Variants in ARHGAP21 observed in about 807,000 individuals in gnomAD.
The protein encoded by ARHGAP21 is Rho GTPase activating protein 21.
A neutral mutation model predicts 164.6 loss-of-function variants in ARHGAP21; 38 were observed. The observed-to-expected ratio is 0.23, with a 90% CI of 0.18 to 0.30. The LOEUF (loss-of-function observed/expected upper bound fraction) is 0.30. Among genes scored for constraint, ARHGAP21 ranks in the 10% least tolerant of loss-of-function variants. The pLI is 1.00. For synonymous variants in ARHGAP21, 766 were observed against 857.9 expected (o/e 0.89, Z 1.87); for missense variants, 1,822 against 2,370.7 (o/e 0.77, Z 4.81).
chr10:24,608,396 G>GTCTC (rs1013251389), intron 9 of ARHGAP21, among the ~76,000 whole-genome samples: 4 of 152,080 alleles, frequency 2.6e-5, no homozygotes, highest in African/African-American at 9.7e-5. Context: ...ACAAAGTCCA[G>GTCTC]TCTCTAGCTT....
At chr10:24,610,451 G>A (rs1184549723) in intron 9 of ARHGAP21, among the ~76,000 whole-genome samples, 1 of 150,894 alleles carries the variant, frequency 6.6e-6, no homozygotes, top group African/African-American at 2.4e-5. Context: ...GAACGGTGAA[G>A]GACACCTAAG....
intron 2 of ARHGAP21, among the ~76,000 whole-genome samples, chr10:24,696,403 C>T (rs1477392513): frequency 2.0e-5 from 3 of 152,130 alleles, no homozygotes. Flanking sequence ...AGGCACCAAC[C>T]CTCAAAACTC....
At chr10:24,719,671 G>C (rs1339501261) in intron 2 of ARHGAP21, among the ~76,000 whole-genome samples, 3 of 152,154 alleles carry the variant, frequency 2.0e-5, no homozygotes, top group Admixed American at 2.0e-4. Flanking sequence ...TACCACTGTG[G>C]AATGTAGTGC....
chr10:24,699,238 A>C (rs1195146148), intron 2 of ARHGAP21, among the ~76,000 whole-genome samples: 3 of 152,124 alleles, frequency 2.0e-5, no homozygotes, highest in African/African-American at 7.2e-5. Context: ...TGGGAGGGAA[A>C]TATATAATTT....
At chr10:24,597,033 CCATAT>C in intron 16 of ARHGAP21, 151 bp from the exon 17 acceptor site, 1 of 837,616 alleles carries the variant, frequency 1.2e-6, no homozygotes, top group Non-Finnish European at 1.7e-6. Flanking sequence ...ATGTTCTCTT[CCATAT>C]AACTTTTACT....
intron 2 of ARHGAP21, among the ~76,000 whole-genome samples, chr10:24,697,949 T>C (rs528801043): frequency 6.6e-6 from 1 of 152,354 alleles, no homozygotes; most frequent in Admixed American, 6.5e-5. Context: ...GAGTCATATG[T>C]ACTGCATTTG....
At position 24,620,847 on chromosome 10, in the gene ARHGAP21, T is replaced by C. The variant is rs778307917; in HGVS notation, c.1048A>G (p.Asn350Asp). Residue 350 changes from asparagine to aspartate, a missense_variant, in exon 9 of 26, where the codon AAT (asparagine) becomes GAT (aspartate). This residue lies in a region of ARHGAP21 where 1,090 missense variants were observed against 1,378.9 expected (regional missense o/e 0.79). Transcript: ENST00000396432. The part of the protein sequence containing the change: ...EPSGILLKSG[N>D]YSGHSDGISS... Reference sequence around the variant, plus strand: ...ATTCCATCAGAATGTCCACTGTAATTTCCAGACTTAAGTAAAATTCCAGAA... The same window carrying C: ...ATTCCATCAGAATGTCCACTGTAATCTCCAGACTTAAGTAAAATTCCAGAA... 3.7e-6 allele frequency: 6 copies of C among 1,614,002 alleles called. No individual in the cohort carries two copies. The South Asian group carries it at 5.5e-5, about 15-fold the overall frequency.
At chr10:24,597,623 C>T (rs898565116) in intron 15 of ARHGAP21, 40 bp from the exon 16 acceptor site, 4 of 1,607,652 alleles carry the variant, frequency 2.5e-6, no homozygotes, top group Non-Finnish European at 3.4e-6. Context: ...TTACAGTAAT[C>T]CCCCTCTATC....
chr10:24,585,011 T>C lies in ARHGAP21; in HGVS notation c.5278A>G (p.Thr1760Ala). Residue 1760 changes from threonine (T) to alanine (A), a missense_variant, in exon 26 of 26, where the codon ACA (threonine) becomes GCA (alanine). This residue lies in a region of ARHGAP21 where 117 missense variants were observed against 193.2 expected (regional missense o/e 0.61). Transcript: ENST00000396432. The part of the protein sequence containing the change: ...TRGESEKQEP[T>A]WKTKIADRLK... ...CGATCTGCTATTTTCGTTTTCCATG[T>C]GGGTTCCTGTTTTTCGGATTCGCCT... 6.2e-7 allele frequency: 1 copy of C among 1,613,972 alleles called. No homozygotes were observed. Among genetic ancestry groups the C allele is most frequent in the South Asian group, 1.1e-5 (1 of 91,076 alleles).
At chr10:24,597,824 T>C in intron 15 of ARHGAP21, 121 bp downstream of exon 15, 1 of 1,161,316 alleles carries the variant, frequency 8.6e-7, no homozygotes, top group Non-Finnish European at 1.2e-6. Flanking sequence ...GTAGAGAGGA[T>C]TTGGTACTAT....
intron 2 of ARHGAP21, among the ~76,000 whole-genome samples, chr10:24,705,246 A>G (rs553273460): frequency 2.0e-5 from 3 of 152,338 alleles, no homozygotes; most frequent in African/African-American, 7.2e-5. Context: ...TGGTATTATG[A>G]ATTTTACATG....
intron 9 of ARHGAP21, among the ~76,000 whole-genome samples, chr10:24,615,372 C>T (rs979127268): frequency 6.6e-6 from 1 of 152,146 alleles, no homozygotes; most frequent in Admixed American, 6.5e-5. Flanking sequence ...TCACTGAGCA[C>T]ACATACAGCC....
intron 9 of ARHGAP21, among the ~76,000 whole-genome samples, chr10:24,612,834 A>C (rs180979968): frequency 6.6e-6 from 1 of 151,688 alleles, no homozygotes; most frequent in Non-Finnish European, 1.5e-5. Context: ...CAGCCTGGGC[A>C]ACAGAGCAAG....
intron 2 of ARHGAP21, 60 bp downstream of exon 2, chr10:24,721,777 C>T (rs1375658548): frequency 5.6e-6 from 9 of 1,594,608 alleles, no homozygotes; most frequent in South Asian, 4.5e-5. Context: ...CCCCAACTTG[C>T]AGGACGCTCA....
At chr10:24,655,706 G>C (rs1412889029) in intron 4 of ARHGAP21, among the ~76,000 whole-genome samples, 2 of 138,608 alleles carry the variant, frequency 1.4e-5, no homozygotes, top group African/African-American at 5.4e-5. Context: ...CCCTCTGCCT[G>C]GCTGCCCAGT....
chr10:24,664,159 ATGT>A, intron 4 of ARHGAP21, among the ~76,000 whole-genome samples: 1 of 152,258 alleles, frequency 6.6e-6, no homozygotes, highest in East Asian at 1.9e-4. Context: ...TCAGTGCAAA[ATGT>A]TGTTTTCTTA....
chr10:24,633,372 CT>C (rs1280992603), intron 6 of ARHGAP21, 29 bp downstream of exon 6: 2 of 1,457,742 alleles, frequency 1.4e-6, no homozygotes, highest in Non-Finnish European at 1.9e-6. Context: ...TAAAACCCAT[CT>C]TTGGGTTTTA....
intron 6 of ARHGAP21, among the ~76,000 whole-genome samples, chr10:24,631,224 C>T (rs981240060): frequency 2.0e-5 from 3 of 152,074 alleles, no homozygotes; most frequent in African/African-American, 7.2e-5. Flanking sequence ...ATTAGCTGGA[C>T]GTGGTGGCAG....
chr10:24,585,412 A>C lies in ARHGAP21; in HGVS notation c.4877T>G (p.Leu1626Arg). The change falls in exon 26 of 26, where the codon CTC (leucine) becomes CGC (arginine). Residue 1626 changes from leucine to arginine, a missense_variant. By Grantham distance (102) the Leu-to-Arg change is moderately radical (BLOSUM62 -2). Coordinates refer to ENST00000396432, the MANE Select transcript of ARHGAP21 (RefSeq NM_020824.4). ...TTCCACAGGCCGCCCTTCACTGATG[A>C]GTTCGCTTCTCTCGTCATCTGCCTC... ...GDEADDERSE[L>R]ISEGRPVETD... is the part of the protein sequence containing the mutation. The C allele has an allele frequency of 6.2e-7, 1 of 1,614,010 alleles. No individual in the cohort carries two copies. The highest frequency in any genetic ancestry group is 8.5e-7 in the Non-Finnish European group (1 of 1,180,036).
Sources: allele counts gnomAD v4.1 joint callset (sites outside exome capture counted in the v4.1 genomes callset), GRCh38; gene constraint gnomAD v4.1.1; regional missense constraint gnomAD v4.1.1; transcripts MANE v1.5; gene names NCBI Gene and HGNC (gene_info 2026-07-23, HGNC 2026-07-21).